NCEH1: variants seen among roughly 807,000 people sequenced by gnomAD.
The protein encoded by NCEH1 is neutral cholesterol ester hydrolase 1.
Under a neutral mutation model 25.4 loss-of-function variants are expected in NCEH1, and 9 were observed. The observed-to-expected ratio is 0.35, with a 90% confidence interval of 0.21 to 0.62. NCEH1 has a LOEUF of 0.62. Ranked by LOEUF, NCEH1 falls within the 20% of genes least tolerant of loss-of-function variation. NCEH1 has a pLI of 0.72. For synonymous variants in NCEH1, 200 were observed against 199.8 expected, an observed-to-expected ratio of 1.00 and a Z score of -0.01; for missense variants, 412 against 501.1, an observed-to-expected ratio of 0.82 and a Z score of 1.70.
intron 1 of NCEH1, among the ~76,000 whole-genome samples, chr3:172,710,158 T>G (rs1560214553): frequency 6.6e-6 from 1 of 152,106 alleles, no homozygotes; most frequent in Non-Finnish European, 1.5e-5. Context: ...GGACATAAAA[T>G]AAATGCTGCA....
At chr3:172,666,405 G>T (rs1718210693) in intron 1 of NCEH1, among the ~76,000 whole-genome samples, 1 of 152,134 alleles carries the variant, frequency 6.6e-6, no homozygotes, top group South Asian at 2.1e-4. Context: ...ATGCAAACCA[G>T]ACACTGCCCC....
At chr3:172,667,248 T>C (rs1464437855) in intron 1 of NCEH1, among the ~76,000 whole-genome samples, 1 of 152,220 alleles carries the variant, frequency 6.6e-6, no homozygotes, top group Non-Finnish European at 1.5e-5. Flanking sequence ...ACCTACTCTG[T>C]CTCCAAGACA....
chr3:172,689,966 C>A (rs1431267764), intron 1 of NCEH1, among the ~76,000 whole-genome samples: 1 of 149,840 alleles, frequency 6.7e-6, no homozygotes, highest in East Asian at 2.0e-4. Flanking sequence ...TGCAGTGGCA[C>A]GATCTCGGCT....
chr3:172,697,551 T>A (rs1042825893), intron 1 of NCEH1, among the ~76,000 whole-genome samples: 20 of 152,030 alleles, frequency 1.3e-4, no homozygotes, highest in Non-Finnish European at 2.2e-4. Context: ...TTTTTTTTTT[T>A]AAACTGTATT....
At chr3:172,679,800 C>T (rs1712239336) in intron 1 of NCEH1, among the ~76,000 whole-genome samples, 1 of 152,076 alleles carries the variant, frequency 6.6e-6, no homozygotes, top group African/African-American at 2.4e-5. Flanking sequence ...CTTGTCACCA[C>T]TTGTGCCAAG....
At position 172,633,895 on chromosome 3, in the gene NCEH1, G is replaced by C; in HGVS notation, c.807C>G (p.Asn269Lys). The C allele has an allele frequency of 1.2e-6, 2 of 1,614,222 alleles. No individual in the cohort carries two copies. Among genetic ancestry groups the C allele is most frequent in the Non-Finnish European group, 1.7e-6 (2 of 1,180,034 alleles). ...CTTCCACATCAAGTGAAGTGTGATT[G>C]TTAACGATCATTGCCTGCACAAAGT... ...NYDFVQAMIVNNHTSLDVEEA... is the reference protein window; with the variant it reads ...NYDFVQAMIVKNHTSLDVEEA... The change falls in exon 5 of 5, where the codon AAC becomes AAG. Residue 269 changes from asparagine (N) to lysine (K), a missense_variant. Asn to Lys is a moderately conservative substitution (Grantham distance 94, BLOSUM62 0). Around this residue, in one of 3 missense-constraint regions of NCEH1, gnomAD observed 210 missense variants for 258.2 expected, o/e 0.81. Transcript: ENST00000475381.
chr3:172,695,095 A>G (rs576552380), intron 1 of NCEH1, among the ~76,000 whole-genome samples: 2 of 152,176 alleles, frequency 1.3e-5, no homozygotes, highest in Non-Finnish European at 2.9e-5. Context: ...GAAGACACCT[A>G]TGTTTCATAA....
chr3:172,702,683 C>A (rs900507463), intron 1 of NCEH1, among the ~76,000 whole-genome samples: 3 of 152,168 alleles, frequency 2.0e-5, no homozygotes, highest in African/African-American at 7.2e-5. Flanking sequence ...TCAGGTTTTT[C>A]ACTTGAAAAT....
At chr3:172,695,671 C>T (rs1217982816) in intron 1 of NCEH1, among the ~76,000 whole-genome samples, 5 of 152,236 alleles carry the variant, frequency 3.3e-5, no homozygotes, top group Non-Finnish European at 7.4e-5. Context: ...CAGCTGGGTG[C>T]GGTGGCTCAC....
At chr3:172,643,917 C>G (rs758910737) in intron 3 of NCEH1, among the ~76,000 whole-genome samples, 33 of 152,334 alleles carry the variant, frequency 2.2e-4, no homozygotes, top group African/African-American at 7.5e-4. Context: ...CTCTGGCCAG[C>G]TGCTCAGGCC....
At chr3:172,659,964 AAAGCAACCCCTG>A (rs1415621771) in intron 1 of NCEH1, among the ~76,000 whole-genome samples, 31 of 152,124 alleles carry the variant, frequency 2.0e-4, no homozygotes, top group Non-Finnish European at 4.1e-4. Context: ...TCTTTTAATA[AAAGCAACCCCTG>A]AAGCATTTCT....
intron 1 of NCEH1, among the ~76,000 whole-genome samples, chr3:172,666,484 CT>C (rs1490548954): frequency 1.3e-5 from 2 of 152,212 alleles, no homozygotes; most frequent in African/African-American, 2.4e-5. Context: ...CTAATCCCCC[CT>C]CCCTCTGTCT....
intron 1 of NCEH1, among the ~76,000 whole-genome samples, chr3:172,680,495 T>C (rs1042001483): frequency 2.6e-5 from 4 of 152,184 alleles, no homozygotes; most frequent in Non-Finnish European, 5.9e-5. Context: ...GTAAACTTGC[T>C]GAGGACAGAC....
intron 1 of NCEH1, among the ~76,000 whole-genome samples, chr3:172,654,018 G>C (rs1165962259): frequency 6.6e-6 from 1 of 152,090 alleles, no homozygotes; most frequent in African/African-American, 2.4e-5. Context: ...GCCTCCCAAA[G>C]TGCTGGGATT....
At chr3:172,668,798 T>C (rs9865721) in intron 1 of NCEH1, among the ~76,000 whole-genome samples, 8,203 of 152,208 alleles carry the variant, frequency 0.054, 751 homozygotes, top group African/African-American at 0.19. Context: ...TAGGTAGATA[T>C]AGAGAATGCA....
chr3:172,670,578 G>A (rs950513819), intron 1 of NCEH1, among the ~76,000 whole-genome samples: 1 of 152,186 alleles, frequency 6.6e-6, no homozygotes, highest in Admixed American at 6.5e-5. Context: ...GGACTCTTAC[G>A]GCCATCAGTA....
chr3:172,674,577 C>T (rs1049186819), intron 1 of NCEH1, among the ~76,000 whole-genome samples: 1 of 112,962 alleles, frequency 8.9e-6, no homozygotes, highest in Non-Finnish European at 1.7e-5. Flanking sequence ...TTCTTTTTAA[C>T]GCATTATTTA....
intron 1 of NCEH1, among the ~76,000 whole-genome samples, chr3:172,654,715 T>C (rs1577063012): frequency 6.6e-6 from 1 of 152,228 alleles, no homozygotes; most frequent in Admixed American, 6.5e-5. Context: ...ACCAGCAACA[T>C]TAACACTTAA....
intron 1 of NCEH1, among the ~76,000 whole-genome samples, chr3:172,706,325 C>T (rs1388732927): frequency 6.6e-6 from 1 of 152,006 alleles, no homozygotes; most frequent in African/African-American, 2.4e-5. Flanking sequence ...AACATAGATA[C>T]ATGTTTTGAT....
Sources: gnomAD v4.1 joint callset for allele counts (sites outside exome capture counted in the v4.1 genomes callset) on GRCh38, gnomAD v4.1.1 for gene constraint, gnomAD v4.1.1 regional missense constraint, MANE v1.5 for transcripts, NCBI Gene and HGNC (gene_info 2026-07-23, HGNC 2026-07-21) for gene names.